The following PKIG variants were observed in gnomAD, a reference collection of about 807,000 sequenced individuals.
PKIG encodes cAMP-dependent protein kinase inhibitor gamma, also known as protein kinase (cAMP-dependent, catalytic) inhibitor gamma.
PKIG carries 1 observed loss-of-function variant against 6.8 expected under a neutral mutation model. The observed-to-expected ratio is 0.15, with a 90% confidence interval of 0.05 to 0.69. The LOEUF (loss-of-function observed/expected upper bound fraction) is 0.69, where lower values mean the gene tolerates loss of function less well. Among genes scored for constraint, PKIG ranks in the 30% least tolerant of loss-of-function variants. The probability of loss-of-function intolerance (pLI) is 0.82; values close to 1 mark genes in which losing one functional copy is unlikely to be tolerated. For missense variants in PKIG, 77 were observed against 104.0 expected, an observed-to-expected ratio of 0.74 and a Z score of 1.13; for synonymous variants, 39 against 43.0, an observed-to-expected ratio of 0.91 and a Z score of 0.36.
intron 1 of PKIG, among the ~76,000 whole-genome samples, chr20:44,574,836 T>C (rs370161817): frequency 1.3e-5 from 2 of 152,140 alleles, no homozygotes; most frequent in African/African-American, 4.8e-5. Flanking sequence ...TCCCAAAGTG[T>C]TGAGATTACA....
chr20:44,612,252 G>A (rs539344901), intron 2 of PKIG, among the ~76,000 whole-genome samples: 38 of 152,204 alleles, frequency 2.5e-4, no homozygotes, highest in Non-Finnish European at 2.9e-4. Context: ...TAATTCACGC[G>A]ATGCCTAACC....
At chr20:44,567,970 C>A (rs1421234251) in intron 1 of PKIG, among the ~76,000 whole-genome samples, 1 of 152,108 alleles carries the variant, frequency 6.6e-6, no homozygotes, top group Admixed American at 6.6e-5. Flanking sequence ...ACATGGTGAA[C>A]CCCCGTCTCA....
intron 1 of PKIG, among the ~76,000 whole-genome samples, chr20:44,570,238 A>AC: frequency 6.6e-6 from 1 of 152,214 alleles, no homozygotes; most frequent in Non-Finnish European, 1.5e-5. Context: ...GCCCTTGTTT[A>AC]CCAAAACGTA....
chr20:44,565,352 A>G (rs1031539284), intron 1 of PKIG, among the ~76,000 whole-genome samples: 3 of 152,242 alleles, frequency 2.0e-5, no homozygotes, highest in African/African-American at 7.2e-5. Flanking sequence ...GGGGGCATGT[A>G]TTGGTCAGGA....
chr20:44,616,111 A>G (rs552420473), intron 3 of PKIG, among the ~76,000 whole-genome samples: 29 of 152,264 alleles, frequency 1.9e-4, no homozygotes, highest in African/African-American at 7.0e-4. Flanking sequence ...GTGGGCCTTC[A>G]CACGCTGCAC....
chr20:44,541,855 A>G (rs2064564821), intron 1 of PKIG, among the ~76,000 whole-genome samples: 1 of 151,762 alleles, frequency 6.6e-6, no homozygotes, highest in Non-Finnish European at 1.5e-5. Flanking sequence ...TGCCCGGCTA[A>G]TTTTTGCATT....
chr20:44,610,480 C>CT (rs1166499721), intron 2 of PKIG, among the ~76,000 whole-genome samples: 1 of 131,840 alleles, frequency 7.6e-6, no homozygotes, highest in African/African-American at 3.2e-5. Context: ...CTCTCTCTCT[C>CT]TCTCTTCTCT....
chr20:44,582,036 A>T (rs541048026), upstream of PKIG, among the ~76,000 whole-genome samples: 2 of 152,150 alleles, frequency 1.3e-5, no homozygotes, highest in Non-Finnish European at 2.9e-5. Flanking sequence ...TTCCCAGGGG[A>T]CACACCAGTG....
chr20:44,548,291 T>C (rs1426096408), intron 1 of PKIG, among the ~76,000 whole-genome samples: 2 of 152,218 alleles, frequency 1.3e-5, no homozygotes, highest in Non-Finnish European at 2.9e-5. Flanking sequence ...AGAGTGGTTT[T>C]CTAGTCTGGA....
At chr20:44,607,341 GTA>G (rs1213724066) in intron 2 of PKIG, among the ~76,000 whole-genome samples, 7 of 145,198 alleles carry the variant, frequency 4.8e-5, no homozygotes, top group African/African-American at 1.0e-4. Flanking sequence ...GTTTGTGTGT[GTA>G]TATGTGTGTG....
chr20:44,602,900 A>G (rs1202798075), intron 2 of PKIG, among the ~76,000 whole-genome samples: 1 of 151,884 alleles, frequency 6.6e-6, no homozygotes, highest in Non-Finnish European at 1.5e-5. Flanking sequence ...CATTATTTAG[A>G]TGGTGGGAAA....
chr20:44,610,300 G>A (rs2065203014), intron 2 of PKIG, among the ~76,000 whole-genome samples: 1 of 152,142 alleles, frequency 6.6e-6, no homozygotes, highest in Non-Finnish European at 1.5e-5. Context: ...TTAAGGTCAC[G>A]TGTCTCATTC....
At chr20:44,593,365 A>ACACG (rs1491397895) in intron 2 of PKIG, among the ~76,000 whole-genome samples, 1 of 2,520 alleles carries the variant, frequency 4.0e-4, no homozygotes, top group Non-Finnish European at 7.0e-4. Flanking sequence ...ATAATAATCA[A>ACACG]CACACACACA....
intron 1 of PKIG, among the ~76,000 whole-genome samples, chr20:44,561,306 C>T (rs1321362132): frequency 6.6e-6 from 1 of 152,070 alleles, no homozygotes; most frequent in African/African-American, 2.4e-5. Context: ...CAGTGTATTC[C>T]AGCCTGGGTG....
intron 1 of PKIG, among the ~76,000 whole-genome samples, chr20:44,575,701 C>T (rs2064891061): frequency 6.6e-6 from 1 of 152,160 alleles, no homozygotes; most frequent in Non-Finnish European, 1.5e-5. Flanking sequence ...CAGTCTCTTA[C>T]TAGAAGCCCT....
upstream of PKIG, among the ~76,000 whole-genome samples, chr20:44,578,994 G>A (rs541538908): frequency 1.4e-3 from 219 of 152,232 alleles, no homozygotes; most frequent in Non-Finnish European, 2.4e-3. Context: ...CGTATGGTGA[G>A]ACCCCCGTCT....
intron 2 of PKIG, among the ~76,000 whole-genome samples, chr20:44,609,798 G>A (rs1030553982): frequency 3.3e-5 from 5 of 152,330 alleles, no homozygotes; most frequent in South Asian, 4.1e-4. Flanking sequence ...CCAGAGCAGC[G>A]GGTTTCAGGT....
intron 2 of PKIG, among the ~76,000 whole-genome samples, chr20:44,613,197 G>A (rs1179364149): frequency 6.6e-6 from 1 of 152,020 alleles, no homozygotes; most frequent in Non-Finnish European, 1.5e-5. Flanking sequence ...ATGGAGTCTC[G>A]CTTTGTCGCC....
intron 1 of PKIG, among the ~76,000 whole-genome samples, chr20:44,543,377 A>G (rs1191825590): frequency 6.6e-6 from 1 of 152,148 alleles, no homozygotes; most frequent in Non-Finnish European, 1.5e-5. Context: ...AATATTTGCA[A>G]ACTTACTCTA....
Sources: gnomAD v4.1 joint callset for allele counts (sites outside exome capture counted in the v4.1 genomes callset) on GRCh38, gnomAD v4.1.1 for gene constraint, MANE v1.5 for transcripts, NCBI Gene and HGNC (gene_info 2026-07-23, HGNC 2026-07-21) for gene names.